The following SGCD variants were observed in gnomAD, a reference collection of about 807,000 sequenced individuals.
SGCD encodes the protein delta-sarcoglycan.
A neutral mutation model predicts 36.6 loss-of-function variants in SGCD; 18 were observed. The observed-to-expected ratio is 0.49, with a 90% CI of 0.34 to 0.73. SGCD has a LOEUF of 0.73. Ranked by LOEUF, SGCD falls within the 30% of genes least tolerant of loss-of-function variation. The probability of loss-of-function intolerance (pLI) is 0.01; values close to 1 mark genes in which losing one functional copy is unlikely to be tolerated. For missense variants in SGCD, 387 were observed against 346.7 expected, an observed-to-expected ratio of 1.12 and a Z score of -0.92; for synonymous variants, 133 against 130.6, an observed-to-expected ratio of 1.02 and a Z score of -0.12.
chr5:156,403,656 A>G (rs971497297), intron 3 of SGCD, among the ~76,000 whole-genome samples: 2 of 152,124 alleles, frequency 1.3e-5, no homozygotes, highest in African/African-American at 4.8e-5. Flanking sequence ...CCCTCATGCC[A>G]GTCATATCAT....
intron 1 of SGCD, among the ~76,000 whole-genome samples, chr5:156,105,721 C>A (rs1761629366): frequency 6.6e-6 from 1 of 152,082 alleles, no homozygotes; most frequent in Non-Finnish European, 1.5e-5. Flanking sequence ...TTTCTGGTTT[C>A]TCCGTCTTAA....
chr5:156,278,827 C>A (rs1581214136), intron 3 of SGCD, among the ~76,000 whole-genome samples: 1 of 152,284 alleles, frequency 6.6e-6, no homozygotes, highest in Non-Finnish European at 1.5e-5. Flanking sequence ...TCCATGGTCT[C>A]TTTTGCATTT....
chr5:156,711,754 T>C (rs1755004033), intron 7 of SGCD, among the ~76,000 whole-genome samples: 1 of 152,152 alleles, frequency 6.6e-6, no homozygotes, highest in Admixed American at 6.5e-5. Context: ...AGGGTCCTGA[T>C]CCAGACCCCA....
At chr5:156,268,662 G>A (rs116357544) in intron 3 of SGCD, among the ~76,000 whole-genome samples, 12,290 of 152,016 alleles carry the variant, frequency 0.081, 1,129 homozygotes, top group African/African-American at 0.23. Flanking sequence ...GTGCAACCTC[G>A]GCTCACTGTT....
At chr5:156,241,078 C>G (rs1381038642) in intron 3 of SGCD, among the ~76,000 whole-genome samples, 2 of 152,114 alleles carry the variant, frequency 1.3e-5, no homozygotes, top group Non-Finnish European at 2.9e-5. Context: ...ACTGAAAGAT[C>G]TATAGAAAAC....
In SGCD at chr5:156,762,964, A is replaced by C. The variant is rs1242085577; in HGVS notation, c.*3574A>C. 6.6e-6 allele frequency: 1 copy of C among 152,344 alleles called. No individual in the cohort carries two copies. Among genetic ancestry groups the C allele is most frequent in the Non-Finnish European group, 1.5e-5 (1 of 68,040 alleles). 9.4% of individuals were successfully genotyped at this position (152,344 alleles called of 1,614,324 possible). ...CAGGAAGGAAGCCCTTCCTTATGTTACATGTGGAAAGCCTGCCTTCCAAGA... is the reference window on the plus strand; with the variant it reads ...CAGGAAGGAAGCCCTTCCTTATGTTCCATGTGGAAAGCCTGCCTTCCAAGA... On this transcript the variant is annotated 3_prime_UTR_variant, in exon 9 of 9. Transcript: ENST00000337851.
chr5:156,399,886 C>A, intron 3 of SGCD, among the ~76,000 whole-genome samples: 1 of 152,154 alleles, frequency 6.6e-6, no homozygotes, highest in Non-Finnish European at 1.5e-5. Context: ...ATATTTGTTC[C>A]TGTCACTATA....
intron 3 of SGCD, among the ~76,000 whole-genome samples, chr5:156,423,130 TTAA>T (rs1234614927): frequency 1.6e-5 from 2 of 128,794 alleles, no homozygotes; most frequent in East Asian, 2.1e-4. Flanking sequence ...TATTAATTAA[TTAA>T]TAATTAATAT....
intron 3 of SGCD, among the ~76,000 whole-genome samples, chr5:156,389,295 G>A (rs528362928): frequency 2.6e-5 from 4 of 152,246 alleles, no homozygotes; most frequent in Admixed American, 2.6e-4. Flanking sequence ...AGAAATTCCT[G>A]GTCTTTGTCT....
chr5:156,304,833 T>G (rs1767161131), intron 3 of SGCD, among the ~76,000 whole-genome samples: 1 of 152,166 alleles, frequency 6.6e-6, no homozygotes, highest in Admixed American at 6.5e-5. Flanking sequence ...ATGAGGCGCT[T>G]GTTGGGAGGT....
intron 3 of SGCD, among the ~76,000 whole-genome samples, chr5:156,407,458 G>T (rs1465412617): frequency 6.6e-6 from 1 of 152,152 alleles, no homozygotes; most frequent in African/African-American, 2.4e-5. Flanking sequence ...CCTAAGCGGG[G>T]GAGGGGATCA....
intron 1 of SGCD, among the ~76,000 whole-genome samples, chr5:156,008,787 T>C (rs1758802298): frequency 1.3e-5 from 2 of 152,184 alleles, no homozygotes; most frequent in African/African-American, 2.4e-5. Context: ...TCCAAGTAAG[T>C]TCACATTCTG....
intron 4 of SGCD, among the ~76,000 whole-genome samples, chr5:156,553,652 C>G (rs777597797): frequency 2.1e-4 from 32 of 152,180 alleles, no homozygotes; most frequent in Non-Finnish European, 4.4e-4. Context: ...CAACCCTAAT[C>G]TGCTGTCTAT....
chr5:156,728,508 CAAAAAAAAAAAAAA>C (rs34726270), intron 7 of SGCD, among the ~76,000 whole-genome samples: 1 of 46,526 alleles, frequency 2.1e-5, no homozygotes, highest in Admixed American at 4.1e-4. Flanking sequence ...GAGACTCTGT[CAAAAAAAAAAAAAA>C]AAAAAAAAAA....
rs144795391 is a variant in SGCD, at chr5:156,736,549, C to T, written c.576-21032C>T. ...TGTGTCCCAGACCCCCAGAGGAATGCACTAATCCTCTATGAGAGCTGGCAA... is the reference window on the plus strand; with the variant it reads ...TGTGTCCCAGACCCCCAGAGGAATGTACTAATCCTCTATGAGAGCTGGCAA... On this transcript the variant is annotated intron_variant, in intron 7 of 8. Transcript: ENST00000337851. Among the ~76,000 whole-genome samples, 1,325 of 152,224 alleles carry T rather than the reference C, an allele frequency of 8.7e-3. 12 individuals carry two copies. The highest frequency in any genetic ancestry group is 0.012 in the Non-Finnish European group (813 of 68,002).
chr5:156,499,638 A>T (rs1260922851), intron 3 of SGCD, among the ~76,000 whole-genome samples: 1 of 152,174 alleles, frequency 6.6e-6, no homozygotes, highest in African/African-American at 2.4e-5. Context: ...ACATTTACAA[A>T]GATTCAAAAA....
chr5:156,347,879 A>C (rs1270395780), intron 3 of SGCD, among the ~76,000 whole-genome samples: 2 of 152,224 alleles, frequency 1.3e-5, no homozygotes, highest in African/African-American at 4.8e-5. Context: ...TCTTTCCTGC[A>C]GTTAACTAAA....
chr5:155,912,016 T>C (rs900660239), intron 1 of SGCD, among the ~76,000 whole-genome samples: 2 of 152,024 alleles, frequency 1.3e-5, no homozygotes, highest in African/African-American at 4.8e-5. Flanking sequence ...AACACTTTCC[T>C]CTTTCCAGGT....
chr5:156,126,533 T>C (rs1762176119), intron 3 of SGCD, among the ~76,000 whole-genome samples: 1 of 152,150 alleles, frequency 6.6e-6, no homozygotes, highest in South Asian at 2.1e-4. Flanking sequence ...AGGGCTCTGT[T>C]CAGCTGTAGT....
Sources: gnomAD v4.1 joint callset for allele counts (sites outside exome capture counted in the v4.1 genomes callset) on GRCh38, gnomAD v4.1.1 for gene constraint, MANE v1.5 for transcripts, NCBI Gene and HGNC (gene_info 2026-07-23, HGNC 2026-07-21) for gene names.